Variants in PRKDC observed in about 807,000 individuals in gnomAD.
PRKDC encodes protein kinase, DNA-activated, catalytic subunit.
A neutral mutation model predicts 486.9 loss-of-function variants in PRKDC; 82 were observed. The ratio of observed to expected loss-of-function variants is 0.17; its 90% CI spans 0.14 to 0.20. The LOEUF (loss-of-function observed/expected upper bound fraction) is 0.20, where lower values mean the gene tolerates loss of function less well. PRKDC is among the 10% of genes least tolerant of loss of function. PRKDC has a pLI of 1.00. For synonymous variants in PRKDC, 1,895 were observed against 1,837.0 expected (o/e 1.03, Z -0.81); for missense variants, 4,504 against 5,038.2 (o/e 0.89, Z 3.21).
chr8:47,951,517 A>G (rs1469512490), intron 7 of PRKDC, among the ~76,000 whole-genome samples: 2 of 151,654 alleles, frequency 1.3e-5, no homozygotes, highest in Non-Finnish European at 2.9e-5. Flanking sequence ...TGAGCCCAAG[A>G]GCTTGAAACC....
chr8:47,896,404 T>C (rs1337297530), intron 30 of PRKDC, among the ~76,000 whole-genome samples: 1 of 151,918 alleles, frequency 6.6e-6, no homozygotes, highest in Non-Finnish European at 1.5e-5. Context: ...TCCCAGCACT[T>C]TGGGAGGCCA....
At position 47,886,112 on chromosome 8, in the gene PRKDC, C is replaced by T. The variant is rs371799969; in HGVS notation, c.4608G>A (p.Ala1536=). 27 of 1,612,718 alleles carry T rather than the reference C, an allele frequency of 1.7e-5. No homozygotes were observed. The highest frequency in any genetic ancestry group is 9.4e-5 in the African/African-American group (7 of 74,842). ...ERLVSLLLNP[A]VLSTASLGSS... ...TGCCCAAGGACGCCGTGGACAGCAC[C>T]GCTGGGTTCAGGAGAAGACTCACAA... Residue 1536 remains alanine (A), a synonymous_variant, in exon 36 of 86, where the codon GCG becomes GCA. Coordinates refer to ENST00000314191, the MANE Select transcript of PRKDC (RefSeq NM_006904.7).
In PRKDC at chr8:47,777,904, T is replaced by C; in HGVS notation, c.11854-30A>G. On this transcript the variant is annotated intron_variant, in intron 83 of 85. Transcript: ENST00000314191. Reference sequence around the variant, plus strand: ...ACAAGAAAAAAGGCAAGGAGCAGAATATGTAAGCCAGAACTCTCAAAGTAC... The same window carrying C: ...ACAAGAAAAAAGGCAAGGAGCAGAACATGTAAGCCAGAACTCTCAAAGTAC... 3 of 1,599,854 alleles carry C rather than the reference T, an allele frequency of 1.9e-6. No homozygotes were observed. In the South Asian group the frequency reaches 3.3e-5, roughly 18 times the overall value.
intron 17 of PRKDC, 119 bp downstream of exon 17, chr8:47,930,553 T>C: frequency 9.9e-7 from 1 of 1,012,988 alleles, no homozygotes; most frequent in Non-Finnish European, 1.4e-6. Context: ...ATTACAGGCG[T>C]GAGCCACCGA....
At chr8:47,898,244 A>G (rs1418669034) in intron 29 of PRKDC, among the ~76,000 whole-genome samples, 3 of 152,262 alleles carry the variant, frequency 2.0e-5, no homozygotes, top group Non-Finnish European at 2.9e-5. Flanking sequence ...TGTATGTACT[A>G]TCTCAACCCA....
intron 67 of PRKDC, among the ~76,000 whole-genome samples, chr8:47,818,868 T>C (rs1589718282): frequency 6.6e-6 from 1 of 152,214 alleles, no homozygotes; most frequent in Non-Finnish European, 1.5e-5. Context: ...CTCTTCCCCT[T>C]AGACTCTTGG....
chr8:47,780,526 C>G (rs535366572), intron 80 of PRKDC, among the ~76,000 whole-genome samples: 1 of 152,356 alleles, frequency 6.6e-6, no homozygotes, highest in African/African-American at 2.4e-5. Flanking sequence ...TGTGACTTAG[C>G]AATTCAATCA....
intron 77 of PRKDC, 109 bp from the exon 78 acceptor site, chr8:47,783,918 C>T: frequency 9.0e-7 from 1 of 1,109,122 alleles, no homozygotes; most frequent in Non-Finnish European, 1.4e-6. Flanking sequence ...CATGATAAAA[C>T]CTTTTACTGA....
chr8:47,780,353 A>G (rs1364601160), intron 80 of PRKDC, among the ~76,000 whole-genome samples: 1 of 152,216 alleles, frequency 6.6e-6, no homozygotes, highest in Non-Finnish European at 1.5e-5. Flanking sequence ...TTAAATGACA[A>G]TGGATGTTTA....
intron 40 of PRKDC, among the ~76,000 whole-genome samples, chr8:47,877,126 GA>G (rs1243161656): frequency 6.6e-6 from 1 of 152,184 alleles, no homozygotes; most frequent in Non-Finnish European, 1.5e-5. Flanking sequence ...GATAAATCCA[GA>G]ATATAAGACA....
intron 46 of PRKDC, among the ~76,000 whole-genome samples, chr8:47,859,362 C>T (rs1250422704): frequency 6.6e-6 from 1 of 152,258 alleles, no homozygotes; most frequent in Middle Eastern, 3.4e-3. Flanking sequence ...CCCGGGAGTG[C>T]ACCTCAGGTC....
At chr8:47,800,726 G>C (rs1274531351) in intron 71 of PRKDC, 67 bp downstream of exon 71, 1 of 1,377,808 alleles carries the variant, frequency 7.3e-7, no homozygotes, top group Admixed American at 3.3e-5. Context: ...TTACTTTCCT[G>C]TAGCCTGAAC....
intron 3 of PRKDC, among the ~76,000 whole-genome samples, chr8:47,956,733 A>T (rs1436113394): frequency 1.3e-5 from 2 of 151,700 alleles, no homozygotes; most frequent in African/African-American, 2.4e-5. Flanking sequence ...CAATAAAAAT[A>T]AAAAAATACA....
At chr8:47,801,020 T>C (rs2087097421) in intron 70 of PRKDC, 34 bp from the exon 71 acceptor site, 3 of 1,570,136 alleles carry the variant, frequency 1.9e-6, no homozygotes, top group African/African-American at 1.3e-5. Flanking sequence ...AAAACAAAAT[T>C]TTGTATGTGT....
At position 47,929,979 on chromosome 8, in the gene PRKDC, A is replaced by T; in HGVS notation, c.1926T>A (p.Phe642Leu). ...EILPEKQAEF[F>L]EPWVYSFSYE... is the part of the protein sequence containing the mutation. ...ATGAAAATGAGTACACCCATGGTTC[A>T]AAAAATTCTGCTTGTTTCTCAGGGA... is the stretch of plus-strand genomic sequence containing the variant. The change falls in exon 18 of 86, where the codon TTT (phenylalanine) becomes TTA (leucine). Residue 642 changes from phenylalanine (F) to leucine (L), a missense_variant. Coordinates refer to ENST00000314191, the MANE Select transcript of PRKDC (RefSeq NM_006904.7). 6.2e-7 allele frequency: 1 copy of T among 1,607,184 alleles called. No individual in the cohort carries two copies. The highest frequency in any genetic ancestry group is 8.5e-7 in the Non-Finnish European group (1 of 1,177,938).
In PRKDC at chr8:47,849,299, T is replaced by C. The variant is rs774391540; in HGVS notation, c.7135A>G (p.Met2379Val). The C allele has an allele frequency of 6.2e-7, 1 of 1,613,924 alleles. No homozygotes were observed. The highest frequency in any genetic ancestry group is 1.7e-5 in the Admixed American group (1 of 60,012). The change falls in exon 54 of 86, where the codon ATG (methionine) becomes GTG (valine). Residue 2379 changes from methionine (M) to valine (V), a missense_variant. Physicochemically the swap from Met to Val is conservative, Grantham distance 21. This residue lies in a region of PRKDC where 1,592 missense variants were observed against 1,724.6 expected (regional missense o/e 0.92). Transcript: ENST00000314191. ...KSFPPLADRF[M>V]NAVFFLLPKF... ...GGCAGCAGAAAGAACACAGCATTCA[T>C]GAACCTGGCGGGGAAGGGAACTGGT...
intron 66 of PRKDC, among the ~76,000 whole-genome samples, chr8:47,820,115 A>G (rs1031689288): frequency 6.6e-6 from 1 of 152,184 alleles, no homozygotes; most frequent in Non-Finnish European, 1.5e-5. Flanking sequence ...TACCCCAAAT[A>G]GAAAAGTCTA....
intron 12 of PRKDC, 91 bp downstream of exon 12, chr8:47,936,262 G>C (rs1295543450): frequency 7.3e-7 from 1 of 1,366,628 alleles, no homozygotes; most frequent in Non-Finnish European, 9.9e-7. Context: ...TCCCAACAGT[G>C]CCTACACTAA....
chr8:47,774,119 ATAG>A lies in PRKDC; in HGVS notation c.*51_*53del. On this transcript the variant is annotated 3_prime_UTR_variant, in exon 86 of 86. Coordinates refer to ENST00000314191, the MANE Select transcript of PRKDC (RefSeq NM_006904.7). ...CTCATGGAATGCTGCCAACCAAAGTATAGTAGATTCTTTAAACAATGTAATGCT... is the reference window on the plus strand; with the variant it reads ...CTCATGGAATGCTGCCAACCAAAGTATAGATTCTTTAAACAATGTAATGCT... 6.7e-7 allele frequency: 1 copy of A among 1,499,238 alleles called. No homozygotes were observed. Among genetic ancestry groups the A allele is most frequent in the Non-Finnish European group, 8.9e-7 (1 of 1,117,654 alleles). The allele number at this position is 1,499,238 out of a possible 1,614,324, so 92.9% of individuals were successfully genotyped here.
Sources: allele counts gnomAD v4.1 joint callset (sites outside exome capture counted in the v4.1 genomes callset), GRCh38; gene constraint gnomAD v4.1.1; regional missense constraint gnomAD v4.1.1; transcripts MANE v1.5; gene names NCBI Gene and HGNC (gene_info 2026-07-23, HGNC 2026-07-21).